Variants in PLXDC2 observed in about 807,000 individuals in gnomAD.
The protein encoded by PLXDC2 is plexin domain-containing protein 2.
In PLXDC2, 40 loss-of-function variants were observed where a neutral mutation model predicts 68.9. That is an observed-to-expected ratio of 0.58 (90% CI 0.45 to 0.76). The LOEUF (loss-of-function observed/expected upper bound fraction) is 0.76, where lower values mean the gene tolerates loss of function less well. Ranked by LOEUF, PLXDC2 falls within the 30% of genes least tolerant of loss-of-function variation. PLXDC2 has a pLI of 0.00. For synonymous variants in PLXDC2, 243 were observed against 234.2 expected (o/e 1.04, Z -0.34); for missense variants, 644 against 661.9 (o/e 0.97, Z 0.30).
intron 3 of PLXDC2, among the ~76,000 whole-genome samples, chr10:20,063,008 GA>G (rs963753845): frequency 2.1e-4 from 31 of 150,990 alleles, no homozygotes; most frequent in African/African-American, 4.6e-4. Context: ...ATTGTTTTTT[GA>G]AAAAAAATCA....
chr10:20,030,901 T>C (rs1336699051), intron 2 of PLXDC2, among the ~76,000 whole-genome samples: 1 of 152,172 alleles, frequency 6.6e-6, no homozygotes, highest in Non-Finnish European at 1.5e-5. Flanking sequence ...GAAATGGCTC[T>C]TTCAGATTCA....
In PLXDC2 at chr10:20,274,288, C is replaced by T. The variant is rs143252719; in HGVS notation, c.1474-5415C>T. Among the ~76,000 whole-genome samples, 385 of 152,254 alleles carry T rather than the reference C, an allele frequency of 2.5e-3. 1 individual carries two copies. Among genetic ancestry groups the T allele is most frequent in the African/African-American group, 8.5e-3 (353 of 41,542 alleles). ...AATGTGTGATTGAAAGATATTTATT[C>T]GGCCATTGGAGAATCATTGACTTTG... On this transcript the variant is annotated intron_variant, in intron 13 of 13. Coordinates refer to ENST00000377252, the MANE Select transcript of PLXDC2 (RefSeq NM_032812.9).
chr10:20,054,896 T>G (rs1285499184), intron 3 of PLXDC2, among the ~76,000 whole-genome samples: 1 of 152,108 alleles, frequency 6.6e-6, no homozygotes, highest in Non-Finnish European at 1.5e-5. Context: ...TAGGTAAAGA[T>G]GCCTGATAGG....
chr10:20,107,076 A>G (rs550099291), intron 4 of PLXDC2, among the ~76,000 whole-genome samples: 2 of 148,404 alleles, frequency 1.3e-5, no homozygotes, highest in East Asian at 3.9e-4. Flanking sequence ...CTATATATAT[A>G]GTATATATAT....
intron 1 of PLXDC2, among the ~76,000 whole-genome samples, chr10:19,940,775 A>G (rs2131397623): frequency 6.6e-6 from 1 of 152,298 alleles, no homozygotes; most frequent in South Asian, 2.1e-4. Context: ...ATTTCATGAG[A>G]AGGAATTCTG....
chr10:19,996,590 A>G (rs116424677), intron 1 of PLXDC2, among the ~76,000 whole-genome samples: 39,275 of 151,836 alleles, frequency 0.26, 6,948 homozygotes, highest in African/African-American at 0.51. Context: ...CTGTCTCTAA[A>G]ACAAACAAAT....
In PLXDC2 at chr10:20,009,796, G is replaced by A. The variant is rs567637369; in HGVS notation, c.324+7810G>A. On this transcript the variant is annotated intron_variant, in intron 2 of 13. Transcript: ENST00000377252. ...CAAGATTTTAAACTTCATTGTGTACGACACTAAGGTGTTTAGAATTTATCA... is the reference window on the plus strand; with the variant it reads ...CAAGATTTTAAACTTCATTGTGTACAACACTAAGGTGTTTAGAATTTATCA... Among the ~76,000 whole-genome samples the A allele has an allele frequency of 5.3e-5, 8 of 150,556 alleles. No homozygotes were observed. The South Asian group carries it at 8.5e-4, about 16-fold the overall frequency.
chr10:20,231,655 T>C (rs1345417238), intron 12 of PLXDC2, among the ~76,000 whole-genome samples: 1 of 151,942 alleles, frequency 6.6e-6, no homozygotes, highest in African/African-American at 2.4e-5. Flanking sequence ...AGCTTTTTTT[T>C]TGAAAATTTT....
At chr10:20,062,040 A>C (rs1206916760) in intron 3 of PLXDC2, among the ~76,000 whole-genome samples, 1 of 152,238 alleles carries the variant, frequency 6.6e-6, no homozygotes, top group Non-Finnish European at 1.5e-5. Flanking sequence ...AGTGCTTATG[A>C]TGGCCAGGTA....
chr10:20,083,500 A>G (rs974408423), intron 4 of PLXDC2, among the ~76,000 whole-genome samples: 2 of 148,670 alleles, frequency 1.3e-5, no homozygotes, highest in East Asian at 2.0e-4. Flanking sequence ...AAAAATTACT[A>G]TGTGCATGTA....
In PLXDC2 at chr10:20,185,160, G is replaced by GAAAA. The variant is rs11307851; in HGVS notation, c.1061+7775_1061+7778dup. Among the ~76,000 whole-genome samples, 34 of 55,988 alleles carry GAAAA rather than the reference G, an allele frequency of 6.1e-4. 2 individuals carry two copies. The highest frequency in any genetic ancestry group is 8.3e-4 in the Non-Finnish European group (26 of 31,262). The allele number at this position is 55,988 out of a possible 152,430, so 36.7% of individuals were successfully genotyped here. On this transcript the variant is annotated intron_variant, in intron 9 of 13. Coordinates refer to ENST00000377252, the MANE Select transcript of PLXDC2 (RefSeq NM_032812.9). ...TGCACATACATCCCAGAACTGAAAG[G>GAAAA]AAAAAAAAAAAAAAAAAAAAAAAAA...
rs1396095248 is a variant in PLXDC2 at position 20,283,431 on chromosome 10, C to G, written c.*3612C>G. ...TAAAGTACGACTTTTGGTCGAGTAC[C>G]AGCACAAATTTGCATTCAAAGGAAG... On this transcript the variant is annotated 3_prime_UTR_variant, in exon 14 of 14. Transcript: ENST00000377252. 2.6e-5 allele frequency: 4 copies of G among 152,144 alleles called. No homozygotes were observed. The highest frequency in any genetic ancestry group is 5.9e-5 in the Non-Finnish European group (4 of 68,030). 9.4% of individuals were successfully genotyped at this position (152,144 alleles called of 1,614,324 possible).
intron 12 of PLXDC2, among the ~76,000 whole-genome samples, chr10:20,235,987 A>G (rs187889636): frequency 2.0e-5 from 3 of 152,292 alleles, no homozygotes; most frequent in African/African-American, 4.8e-5. Flanking sequence ...TAAAAACCCT[A>G]ATATCTTAAC....
chr10:20,087,740 G>T (rs756496812), intron 4 of PLXDC2, among the ~76,000 whole-genome samples: 1 of 152,194 alleles, frequency 6.6e-6, no homozygotes, highest in African/African-American at 2.4e-5. Context: ...CGATATATTT[G>T]CAGTTTGTTT....
chr10:20,168,319 A>T (rs540299622), intron 7 of PLXDC2, among the ~76,000 whole-genome samples: 1 of 152,314 alleles, frequency 6.6e-6, no homozygotes, highest in African/African-American at 2.4e-5. Flanking sequence ...ATGTGTACAC[A>T]GCATGCATTA....
chr10:20,178,821 C>T (rs527944977), intron 9 of PLXDC2, among the ~76,000 whole-genome samples: 7 of 151,884 alleles, frequency 4.6e-5, no homozygotes, highest in Non-Finnish European at 5.9e-5. Context: ...TTTAACAGGG[C>T]GTTCTAGTTA....
intron 13 of PLXDC2, among the ~76,000 whole-genome samples, chr10:20,254,468 G>C (rs1017986016): frequency 6.6e-6 from 1 of 152,050 alleles, no homozygotes; most frequent in African/African-American, 2.4e-5. Context: ...TTTTTGTCTT[G>C]AAGTCACATA....
intron 12 of PLXDC2, among the ~76,000 whole-genome samples, chr10:20,232,728 G>A (rs948844561): frequency 2.0e-5 from 3 of 152,118 alleles, no homozygotes; most frequent in East Asian, 1.9e-4. Context: ...GGTGTTGGTC[G>A]GGGCTGTTAG....
intron 12 of PLXDC2, among the ~76,000 whole-genome samples, chr10:20,241,682 AG>A (rs1378661791): frequency 1.6e-4 from 24 of 152,086 alleles, no homozygotes; most frequent in African/African-American, 4.6e-4. Flanking sequence ...GGGAGGCCAA[AG>A]CAGGAGGATC....
Sources: gnomAD v4.1 joint callset for allele counts (sites outside exome capture counted in the v4.1 genomes callset) on GRCh38, gnomAD v4.1.1 for gene constraint, MANE v1.5 for transcripts, NCBI Gene and HGNC (gene_info 2026-07-23, HGNC 2026-07-21) for gene names.